The following PRKAG2 variants were observed in gnomAD, a reference collection of about 807,000 sequenced individuals.
PRKAG2 encodes the protein protein kinase AMP-activated non-catalytic subunit gamma 2.
In PRKAG2, 26 loss-of-function variants were observed where a neutral mutation model predicts 69.6. The observed-to-expected ratio is 0.37, with a 90% CI of 0.27 to 0.52. PRKAG2 has a LOEUF of 0.52. Among genes scored for constraint, PRKAG2 ranks in the 20% least tolerant of loss-of-function variants. The probability of loss-of-function intolerance (pLI) is 0.90; values close to 1 mark genes in which losing one functional copy is unlikely to be tolerated. For missense variants in PRKAG2, 557 were observed against 740.0 expected (o/e 0.75, Z 2.87); for synonymous variants, 293 against 285.0 (o/e 1.03, Z -0.28).
At chr7:151,704,938 G>A (rs775735779) in intron 3 of PRKAG2, among the ~76,000 whole-genome samples, 1 of 152,288 alleles carries the variant, frequency 6.6e-6, no homozygotes, top group East Asian at 1.9e-4. Context: ...AAATGTTAGC[G>A]CTTAAAAGTC....
intron 3 of PRKAG2, among the ~76,000 whole-genome samples, chr7:151,714,446 CCGCCGTCCTCCCATCCACA>C (rs2151618057): frequency 1.4e-5 from 1 of 69,476 alleles, no homozygotes; most frequent in Admixed American, 1.8e-4. Context: ...CATCCGCGAC[CCGCCGTCCTCCCATCCACA>C]TGCCGCCATC....
In PRKAG2 at chr7:151,695,944, G is replaced by A. The variant is rs377422905; in HGVS notation, c.467-20307C>T. Among the ~76,000 whole-genome samples, 15 of 152,222 alleles carry A rather than the reference G, an allele frequency of 9.9e-5. No homozygotes were observed. The South Asian group carries it at 2.1e-3, about 21-fold the overall frequency. ...AGCAAGAACAGTCTGGTGTTCATCC[G>A]GGCAGAGGAAGCAGACCCCACCCTG... is the stretch of plus-strand genomic sequence containing the variant. On this transcript the variant is annotated intron_variant, in intron 3 of 15. Coordinates refer to ENST00000287878, the MANE Select transcript of PRKAG2 (RefSeq NM_016203.4).
chr7:151,672,886 A>C (rs546952672), intron 4 of PRKAG2, among the ~76,000 whole-genome samples: 1 of 152,088 alleles, frequency 6.6e-6, no homozygotes, highest in Non-Finnish European at 1.5e-5. Flanking sequence ...GACACAGCTG[A>C]GCATACTCAC....
chr7:151,833,592 G>A (rs548016328), intron 1 of PRKAG2, among the ~76,000 whole-genome samples: 7 of 152,294 alleles, frequency 4.6e-5, no homozygotes, highest in African/African-American at 1.2e-4. Flanking sequence ...GCCGATGGAC[G>A]CTCCAGAAAC....
intron 5 of PRKAG2, among the ~76,000 whole-genome samples, chr7:151,608,125 C>T (rs567532423): frequency 2.0e-5 from 3 of 152,248 alleles, no homozygotes; most frequent in East Asian, 1.9e-4. Flanking sequence ...CAAGGACTGC[C>T]GGCAACAGCA....
At chr7:151,798,175 T>C (rs2077656916) in intron 1 of PRKAG2, among the ~76,000 whole-genome samples, 1 of 151,968 alleles carries the variant, frequency 6.6e-6, no homozygotes, top group Admixed American at 6.6e-5. Context: ...GGCTAATTTT[T>C]GTATATTTAG....
chr7:151,587,491 T>C (rs1266975576), intron 6 of PRKAG2, among the ~76,000 whole-genome samples: 1 of 152,140 alleles, frequency 6.6e-6, no homozygotes, highest in Non-Finnish European at 1.5e-5. Context: ...AATCATCTCA[T>C]GGTGGAAAAA....
intron 1 of PRKAG2, among the ~76,000 whole-genome samples, chr7:151,796,968 A>G (rs1336841089): frequency 1.3e-5 from 2 of 152,140 alleles, no homozygotes; most frequent in Non-Finnish European, 2.9e-5. Context: ...TGGCTCGCAA[A>G]TAAAATGCCA....
intron 4 of PRKAG2, among the ~76,000 whole-genome samples, chr7:151,672,518 G>A (rs538140960): frequency 3.9e-5 from 6 of 152,006 alleles, no homozygotes; most frequent in South Asian, 2.1e-4. Context: ...CTCTGTCTCC[G>A]TCAAACACTA....
chr7:151,606,544 G>A (rs1029374191), intron 5 of PRKAG2, among the ~76,000 whole-genome samples: 29 of 152,186 alleles, frequency 1.9e-4, no homozygotes, highest in Non-Finnish European at 1.0e-4. Flanking sequence ...CCTTGGCCGC[G>A]TGCGGTGGCT....
At chr7:151,640,923 C>A (rs1029655646) in intron 4 of PRKAG2, among the ~76,000 whole-genome samples, 7 of 152,202 alleles carry the variant, frequency 4.6e-5, no homozygotes, top group African/African-American at 1.7e-4. Flanking sequence ...TCCATTAAAA[C>A]TTGGTAGGGA....
rs1038176204 is a variant in PRKAG2, at chr7:151,850,064, G to A, written c.114+26443C>T. ...GGCTCTGCTGGGCTGCAGGGGGAGC[G>A]AGACACACCAGGGAGGCTGAGAACC... On this transcript the variant is annotated intron_variant, in intron 1 of 15. Coordinates refer to ENST00000287878, the MANE Select transcript of PRKAG2 (RefSeq NM_016203.4). This position sits in a 1 kb window ranked among gnomAD's most constrained non-coding sequence, Gnocchi z 4.1. Among the ~76,000 whole-genome samples, 29 of 152,138 alleles carry A rather than the reference G, an allele frequency of 1.9e-4. No homozygotes were observed. Among genetic ancestry groups the A allele is most frequent in the Admixed American group, 1.3e-4 (2 of 15,272 alleles).
chr7:151,609,118 CAA>C (rs1222104827), intron 5 of PRKAG2, among the ~76,000 whole-genome samples: 3 of 152,012 alleles, frequency 2.0e-5, no homozygotes, highest in Admixed American at 6.6e-5. Context: ...TTCTATTAGA[CAA>C]AAAAATGCAG....
intron 3 of PRKAG2, among the ~76,000 whole-genome samples, chr7:151,758,685 T>C (rs571236419): frequency 1.6e-4 from 25 of 152,200 alleles, no homozygotes; most frequent in African/African-American, 6.0e-4. Flanking sequence ...TGAGGAGGTA[T>C]GAACTGGAAG....
intron 1 of PRKAG2, chr7:151,809,100 G>A (rs558895432): frequency 2.5e-6 from 1 of 402,880 alleles, no homozygotes; most frequent in African/African-American, 2.0e-5. Context: ...CAGAGGGAAG[G>A]GGTGGTGGCA....
chr7:151,734,964 CCTGT>C (rs1799541693), intron 3 of PRKAG2, among the ~76,000 whole-genome samples: 1 of 146,162 alleles, frequency 6.8e-6, no homozygotes. Context: ...AAGCGATTCT[CCTGT>C]CTTAGCCTCC....
intron 1 of PRKAG2, among the ~76,000 whole-genome samples, chr7:151,796,130 G>C (rs2077523757): frequency 6.6e-6 from 1 of 151,864 alleles, no homozygotes; most frequent in Non-Finnish European, 1.5e-5. Context: ...CAGAGCCCTA[G>C]GCCCCCTCAC....
At chr7:151,875,955 C>G (rs1056951704) in intron 1 of PRKAG2, among the ~76,000 whole-genome samples, 4 of 152,026 alleles carry the variant, frequency 2.6e-5, no homozygotes, top group African/African-American at 9.7e-5. Flanking sequence ...AGGAGACCCC[C>G]GCTCCAGGCC....
At chr7:151,853,602 A>G (rs1209443376) in intron 1 of PRKAG2, among the ~76,000 whole-genome samples, 1 of 152,042 alleles carries the variant, frequency 6.6e-6, no homozygotes, top group Non-Finnish European at 1.5e-5. Context: ...ACTAAAAAAT[A>G]CAAGAAAATT....
Sources: allele counts gnomAD v4.1 joint callset (sites outside exome capture counted in the v4.1 genomes callset), GRCh38; gene constraint gnomAD v4.1.1; non-coding constraint Gnocchi (gnomAD v3.1); transcripts MANE v1.5; gene names NCBI Gene and HGNC (gene_info 2026-07-23, HGNC 2026-07-21).